The following FHIT variants were observed in gnomAD, a reference collection of about 807,000 sequenced individuals.
The protein encoded by FHIT is bis(5'-adenosyl)-triphosphatase.
FHIT carries 19 observed loss-of-function variants against 17.9 expected under a neutral mutation model. The observed-to-expected ratio is 1.06, with a 90% confidence interval of 0.74 to 1.56. FHIT has a LOEUF of 1.56. Among genes scored for constraint, FHIT ranks in the 40% most tolerant of loss-of-function variants. The probability of loss-of-function intolerance (pLI) is 0.00; values close to 1 mark genes in which losing one functional copy is unlikely to be tolerated. For missense variants in FHIT, 248 were observed against 189.2 expected, an observed-to-expected ratio of 1.31 and a Z score of -1.82; for synonymous variants, 81 against 69.7, an observed-to-expected ratio of 1.16 and a Z score of -0.81.
chr3:61,189,001 C>G (rs1269061128), intron 2 of FHIT, among the ~76,000 whole-genome samples: 1 of 151,976 alleles, frequency 6.6e-6, no homozygotes, highest in Non-Finnish European at 1.5e-5. Context: ...AAACTGGAAG[C>G]ATTCCCTTTG....
At chr3:59,759,209 G>A (rs1701376262) in intron 8 of FHIT, among the ~76,000 whole-genome samples, 1 of 151,944 alleles carries the variant, frequency 6.6e-6, no homozygotes, top group African/African-American at 2.4e-5. Context: ...AGGACTTGGG[G>A]GGATGGCAGA....
intron 5 of FHIT, among the ~76,000 whole-genome samples, chr3:60,193,699 T>C (rs984557953): frequency 6.6e-6 from 1 of 152,154 alleles, no homozygotes; most frequent in Non-Finnish European, 1.5e-5. Flanking sequence ...GCTGTGGAGA[T>C]GCCACATCCT....
At chr3:59,933,005 T>A in intron 7 of FHIT, among the ~76,000 whole-genome samples, 1 of 152,178 alleles carries the variant, frequency 6.6e-6, no homozygotes, top group East Asian at 1.9e-4. Context: ...AAAAACATCT[T>A]ATTTCCACCA....
intron 4 of FHIT, among the ~76,000 whole-genome samples, chr3:60,744,269 A>AAAC (rs1491167271): frequency 6.2e-5 from 1 of 16,060 alleles, no homozygotes; most frequent in Non-Finnish European, 1.3e-4. Context: ...AAAACAAAAC[A>AAAC]AAAAAAAAAA....
At chr3:59,864,593 C>A (rs1035631778) in intron 8 of FHIT, among the ~76,000 whole-genome samples, 4 of 151,662 alleles carry the variant, frequency 2.6e-5, no homozygotes, top group Non-Finnish European at 5.9e-5. Flanking sequence ...TCTGGCTGAT[C>A]TAGTATACAA....
At chr3:60,112,179 A>T (rs1406118432) in intron 5 of FHIT, among the ~76,000 whole-genome samples, 1 of 152,152 alleles carries the variant, frequency 6.6e-6, no homozygotes, top group African/African-American at 2.4e-5. Context: ...TAATACAGCA[A>T]AGTTGGTGCT....
chr3:59,826,573 C>T (rs1004305411), intron 8 of FHIT, among the ~76,000 whole-genome samples: 3 of 152,222 alleles, frequency 2.0e-5, no homozygotes, highest in Admixed American at 1.3e-4. Context: ...GGAAATGACC[C>T]TTCAGTGCCT....
At chr3:59,888,532 T>C (rs895720309) in intron 8 of FHIT, among the ~76,000 whole-genome samples, 2 of 152,216 alleles carry the variant, frequency 1.3e-5, no homozygotes, top group Non-Finnish European at 2.9e-5. Context: ...CACTGGTATA[T>C]ATTCTCTTCA....
intron 5 of FHIT, among the ~76,000 whole-genome samples, chr3:60,087,871 G>T (rs1207650245): frequency 6.6e-6 from 1 of 152,004 alleles, no homozygotes; most frequent in Non-Finnish European, 1.5e-5. Context: ...TCCGACTGCT[G>T]CCCATTACCC....
rs375134794 is a variant in FHIT, at chr3:60,756,656, A to T, written c.-18+65263T>A. Among the ~76,000 whole-genome samples the T allele has an allele frequency of 3.6e-4, 55 of 152,354 alleles. No homozygotes were observed. The South Asian group carries it at 9.1e-3, about 25-fold the overall frequency. ...AGATGTCTGTCACTAAAGAAAGTGA[A>T]AGACACAGAGGAAAGAGAAGATCTA... On this transcript the variant is annotated intron_variant, in intron 4 of 9. Coordinates refer to ENST00000492590, the MANE Select transcript of FHIT (RefSeq NM_002012.4).
At chr3:60,822,286 C>T (rs1701956739) in intron 3 of FHIT, among the ~76,000 whole-genome samples, 1 of 152,158 alleles carries the variant, frequency 6.6e-6, no homozygotes, top group Admixed American at 6.5e-5. Context: ...GATTCCTAGT[C>T]CAGGGTTGTT....
intron 7 of FHIT, among the ~76,000 whole-genome samples, chr3:60,001,109 G>A (rs1024331343): frequency 6.6e-6 from 1 of 152,076 alleles, no homozygotes; most frequent in African/African-American, 2.4e-5. Flanking sequence ...ATAACACCTT[G>A]TTTTAGTCTT....
chr3:60,882,011 G>GA (rs772163652), intron 3 of FHIT, among the ~76,000 whole-genome samples: 5 of 151,826 alleles, frequency 3.3e-5, no homozygotes, highest in South Asian at 2.1e-4. Flanking sequence ...AACTAACCAA[G>GA]AAAAATGTCC....
intron 5 of FHIT, among the ~76,000 whole-genome samples, chr3:60,255,117 T>C (rs1318802821): frequency 6.6e-6 from 1 of 152,182 alleles, no homozygotes; most frequent in Non-Finnish European, 1.5e-5. Flanking sequence ...CTTTTCCTTA[T>C]GATTTAGGTT....
intron 4 of FHIT, chr3:60,537,335 T>C (rs2036020569): frequency 6.6e-6 from 2 of 303,478 alleles, no homozygotes; most frequent in Non-Finnish European, 4.8e-6. Flanking sequence ...TATTTTGTCA[T>C]GTCTGCTAAG....
chr3:60,359,191 T>C (rs1405544289), intron 5 of FHIT, among the ~76,000 whole-genome samples: 1 of 151,714 alleles, frequency 6.6e-6, no homozygotes, highest in Admixed American at 6.6e-5. Context: ...CAGAACAGAG[T>C]AGACTGGCTT....
At chr3:61,155,659 T>C (rs1185780372) in intron 2 of FHIT, among the ~76,000 whole-genome samples, 1 of 152,204 alleles carries the variant, frequency 6.6e-6, no homozygotes. Context: ...ATTCCTACTT[T>C]TGTCAGTGAT....
intron 5 of FHIT, among the ~76,000 whole-genome samples, chr3:60,080,119 T>C (rs1024280582): frequency 3.3e-5 from 5 of 152,170 alleles, no homozygotes; most frequent in African/African-American, 1.2e-4. Flanking sequence ...AGTCAAAATG[T>C]GGATACAGCC....
intron 3 of FHIT, among the ~76,000 whole-genome samples, chr3:60,840,479 C>T (rs1316667472): frequency 1.3e-5 from 2 of 152,108 alleles, no homozygotes; most frequent in Admixed American, 6.5e-5. Flanking sequence ...TACAAAGTCC[C>T]CAGTTTTCCT....
Sources: gnomAD v4.1 joint callset for allele counts (sites outside exome capture counted in the v4.1 genomes callset) on GRCh38, gnomAD v4.1.1 for gene constraint, MANE v1.5 for transcripts, NCBI Gene and HGNC (gene_info 2026-07-23, HGNC 2026-07-21) for gene names.